The following SRSF11 variants were observed in gnomAD, a reference collection of about 807,000 sequenced individuals.
The protein encoded by SRSF11 is serine and arginine rich splicing factor 11, also known as serine/arginine-rich splicing factor 11.
In SRSF11, 9 loss-of-function variants were observed where a neutral mutation model predicts 56.0. The ratio of observed to expected loss-of-function variants is 0.16; its 90% confidence interval spans 0.10 to 0.28. The LOEUF is 0.28. Among genes scored for constraint, SRSF11 ranks in the 10% least tolerant of loss-of-function variants. SRSF11 has a pLI of 1.00. For synonymous variants in SRSF11, 222 were observed against 215.3 expected (o/e 1.03, Z -0.27); for missense variants, 421 against 600.7 (o/e 0.70, Z 3.13).
At chr1:70,210,097 G>C (rs772290146) in intron 1 of SRSF11, among the ~76,000 whole-genome samples, 11 of 151,756 alleles carry the variant, frequency 7.2e-5, no homozygotes, top group Admixed American at 2.0e-4. Flanking sequence ...ATATACTTTT[G>C]AATCGTGAAA....
At chr1:70,228,705 ATTTT>A (rs1323978075) in intron 2 of SRSF11, 150 bp downstream of exon 2, 1 of 1,318,750 alleles carries the variant, frequency 7.6e-7, no homozygotes, top group Non-Finnish European at 9.7e-7. Flanking sequence ...TTGCTTGCAG[ATTTT>A]TTTTAATTCT....
intron 1 of SRSF11, among the ~76,000 whole-genome samples, chr1:70,211,458 A>C (rs1489334601): frequency 6.6e-6 from 1 of 152,186 alleles, no homozygotes; most frequent in Non-Finnish European, 1.5e-5. Flanking sequence ...CAGTTTTAAT[A>C]AGACATGATA....
At chr1:70,208,316 A>G (rs1410874710) in intron 1 of SRSF11, among the ~76,000 whole-genome samples, 2 of 150,328 alleles carry the variant, frequency 1.3e-5, no homozygotes, top group Non-Finnish European at 3.0e-5. Context: ...TTACTGTAAT[A>G]CAGTGTATGG....
chr1:70,234,895 A>AT (rs951259671), intron 4 of SRSF11, 107 bp downstream of exon 4: 42 of 889,622 alleles, frequency 4.7e-5, no homozygotes, highest in East Asian at 3.6e-4. Flanking sequence ...TGTTGTAGTA[A>AT]TTTTTTTTCT....
At chr1:70,221,888 G>GGCT in intron 1 of SRSF11, 49 bp downstream of exon 1, 1 of 1,606,018 alleles carries the variant, frequency 6.2e-7, no homozygotes, top group Non-Finnish European at 8.5e-7. Context: ...CCTCAGCCTG[G>GGCT]GCCTAACACA....
intron 1 of SRSF11, among the ~76,000 whole-genome samples, chr1:70,208,486 A>T (rs1276261635): frequency 6.6e-6 from 1 of 152,154 alleles, no homozygotes; most frequent in East Asian, 1.9e-4. Flanking sequence ...GGTACGCACC[A>T]CCACACCCAG....
chr1:70,210,324 T>C (rs1245383076), intron 1 of SRSF11, among the ~76,000 whole-genome samples: 2 of 152,114 alleles, frequency 1.3e-5, no homozygotes, highest in Non-Finnish European at 2.9e-5. Flanking sequence ...ATTCAGCTAA[T>C]TTTTTAATGT....
chr1:70,208,858 C>A (rs550957541), intron 1 of SRSF11, among the ~76,000 whole-genome samples: 1 of 152,162 alleles, frequency 6.6e-6, no homozygotes, highest in Non-Finnish European at 1.5e-5. Flanking sequence ...AGCAAAAATT[C>A]TAACTCTTTT....
intron 1 of SRSF11, 29 bp from the exon 2 acceptor site, chr1:70,228,393 C>G: frequency 6.5e-7 from 1 of 1,548,500 alleles, no homozygotes; most frequent in Non-Finnish European, 8.9e-7. Context: ...TATTCTGTTT[C>G]TCTTTTATGT....
rs748199564 is a variant in SRSF11 at position 70,221,789 on chromosome 1, T to C, written c.153T>C (p.Thr51=). Residue 51 remains threonine (T), a synonymous_variant, in exon 1 of 12, where the codon ACT becomes ACC. Coordinates refer to ENST00000370949, the MANE Select transcript of SRSF11 (RefSeq NM_001350605.2). ...GCGCTAGCTCTGAGCAGATGCGGAC[T>C]CTCTTCGGTTTCCTAGGCAAGATCG... is the stretch of plus-strand genomic sequence containing the variant. ...SPSASSEQMR[T]LFGFLGKIDE... 6.2e-7 allele frequency: 1 copy of C among 1,614,096 alleles called. No homozygotes were observed.
intron 4 of SRSF11, among the ~76,000 whole-genome samples, chr1:70,235,019 A>T (rs17131248): frequency 6.6e-6 from 1 of 152,136 alleles, no homozygotes; most frequent in African/African-American, 2.4e-5. Context: ...AAGCCAGTAC[A>T]TTATCAGTGT....
chr1:70,220,939 CAAAA>C (rs1315050907), upstream of SRSF11: 1 of 151,982 alleles, frequency 6.6e-6, no homozygotes, highest in African/African-American at 2.4e-5. Flanking sequence ...GTTTTAGTGA[CAAAA>C]CAAATTAGTT....
At chr1:70,212,651 G>C (rs982769887) in intron 1 of SRSF11, among the ~76,000 whole-genome samples, 1 of 152,142 alleles carries the variant, frequency 6.6e-6, no homozygotes, top group African/African-American at 2.4e-5. Context: ...AGGAGAAGGG[G>C]CATCTAATAA....
At chr1:70,238,621 T>C (rs939230399) in intron 6 of SRSF11, among the ~76,000 whole-genome samples, 1 of 152,172 alleles carries the variant, frequency 6.6e-6, no homozygotes, top group Non-Finnish European at 1.5e-5. Context: ...GAGCAGATAA[T>C]AGGAAGCGAG....
rs1170061259 is a variant in SRSF11 at position 70,225,729 on chromosome 1, C to T, written c.204-2693C>T. Among the ~76,000 whole-genome samples the T allele has an allele frequency of 1.3e-4, 20 of 152,126 alleles. 1 individual carries two copies. The highest frequency in any genetic ancestry group is 5.9e-5 in the Non-Finnish European group (4 of 68,024). ...TAAGAACTGTTAAAAACTACACCACCGCTCTTAGTTGGAGGACAGAAGTGG... is the reference window on the plus strand; with the variant it reads ...TAAGAACTGTTAAAAACTACACCACTGCTCTTAGTTGGAGGACAGAAGTGG... On this transcript the variant is annotated intron_variant, in intron 1 of 11. Coordinates refer to ENST00000370949, the MANE Select transcript of SRSF11 (RefSeq NM_001350605.2).
At chr1:70,211,357 GATTCT>G (rs1178594317) in intron 1 of SRSF11, among the ~76,000 whole-genome samples, 1 of 151,892 alleles carries the variant, frequency 6.6e-6, no homozygotes, top group Non-Finnish European at 1.5e-5. Flanking sequence ...TGTTCAATTG[GATTCT>G]GCTTGCAATT....
At chr1:70,207,243 G>A (rs35262515) in intron 1 of SRSF11, among the ~76,000 whole-genome samples, 13,884 of 151,938 alleles carry the variant, frequency 0.091, 803 homozygotes, top group East Asian at 0.3. Flanking sequence ...TATTAATGAG[G>A]TCCCTGGTCA....
chr1:70,217,114 C>T (rs1039418591), upstream of SRSF11, among the ~76,000 whole-genome samples: 13 of 151,992 alleles, frequency 8.6e-5, no homozygotes, highest in Admixed American at 2.6e-4. Context: ...CACATTAGTC[C>T]TTTCATCTTT....
chr1:70,250,606 A>C lies in SRSF11; in HGVS notation c.1258-2A>C, dbSNP rs1314297868. 21 of 1,612,798 alleles carry C rather than the reference A, an allele frequency of 1.3e-5. No individual in the cohort carries two copies. The highest frequency in any genetic ancestry group is 1.7e-5 in the Non-Finnish European group (20 of 1,179,712). On this transcript the variant is annotated splice_acceptor_variant, in intron 11 of 11. Transcript: ENST00000370949. LOFTEE classifies it high-confidence loss of function. The stretch of plus-strand genomic sequence containing the variant: ...TTACTTTTATTATTCTCCTTGGCAA[A>C]GCAGGTTACACGGGATTATGATGAA...
Sources: allele counts gnomAD v4.1 joint callset (sites outside exome capture counted in the v4.1 genomes callset), GRCh38; gene constraint gnomAD v4.1.1; transcripts MANE v1.5; gene names NCBI Gene and HGNC (gene_info 2026-07-23, HGNC 2026-07-21).